The following PIK3C2G variants were observed in gnomAD, a reference collection of about 807,000 sequenced individuals.
PIK3C2G encodes the protein phosphatidylinositol 3-kinase C2 domain-containing subunit gamma.
Under a neutral mutation model 181.1 loss-of-function variants are expected in PIK3C2G, and 168 were observed. The observed-to-expected ratio is 0.93, with a 90% CI of 0.82 to 1.05. The LOEUF is 1.05. PIK3C2G is among the 50% of genes least tolerant of loss of function. PIK3C2G has a pLI of 0.00. For missense variants in PIK3C2G, 1,869 were observed against 1,732.8 expected (o/e 1.08, Z -1.40); for synonymous variants, 573 against 592.2 (o/e 0.97, Z 0.47).
At chr12:18,699,366 G>A in the PIK3C2G span, among the ~76,000 whole-genome samples, 2 of 152,106 alleles carry the variant, frequency 1.3e-5, no homozygotes, top group Non-Finnish European at 2.9e-5. Flanking sequence ...TCACCCTTTG[G>A]CTGCTATCAG....
In PIK3C2G at chr12:18,296,950, T is replaced by C. The variant is rs149875862; in HGVS notation, c.1034+2935T>C. Reference sequence around the variant, plus strand: ...CAAAAAATATTAAAATCTTTCATCATGTTCCTGTTCTTTAACTCCCGGTTT... The same window carrying C: ...CAAAAAATATTAAAATCTTTCATCACGTTCCTGTTCTTTAACTCCCGGTTT... On this transcript the variant is annotated intron_variant, in intron 5 of 32. Coordinates refer to ENST00000538779, the MANE Select transcript of PIK3C2G (RefSeq NM_001288772.2). 1.3e-3 allele frequency among the ~76,000 whole-genome samples: 197 copies of C among 152,214 alleles called. 1 individual carries two copies. The highest frequency in any genetic ancestry group is 4.5e-3 in the African/African-American group (189 of 41,554).
chr12:18,450,844 C>T (rs1947305415), intron 18 of PIK3C2G, among the ~76,000 whole-genome samples: 1 of 152,090 alleles, frequency 6.6e-6, no homozygotes, highest in Non-Finnish European at 1.5e-5. Context: ...ATCCTTTCAC[C>T]ATTGCTTGTT....
At chr12:18,683,111 T>G in the PIK3C2G span, 1 of 813,664 alleles carries the variant, frequency 1.2e-6, no homozygotes, top group Non-Finnish European at 2.0e-6. Flanking sequence ...TTTAAGTGAA[T>G]GGGCTCAATA....
intron 18 of PIK3C2G, among the ~76,000 whole-genome samples, chr12:18,464,771 A>G (rs1166860551): frequency 6.6e-6 from 1 of 152,022 alleles, no homozygotes; most frequent in African/African-American, 2.4e-5. Context: ...TTGTTTGTAA[A>G]TTCTAGTTTG....
Position 18,399,667 on chromosome 12 carries a change from A to C in PIK3C2G, c.2135A>C (p.Glu712Ala). Reference sequence around the variant, plus strand: ...CCAATCTGGTTTTTCAGACTCTCTGAAGAAAAGAAAAGATATTTATGGTTT... The same window carrying C: ...CCAATCTGGTTTTTCAGACTCTCTGCAGAAAAGAAAAGATATTTATGGTTT... ...SQKQTPLLLS[E>A]EKKRYLWFYR... The change falls in exon 16 of 33, where the codon GAA (glutamate) becomes GCA (alanine). Residue 712 changes from glutamate to alanine, a missense_variant. By Grantham distance (107) the Glu-to-Ala change is moderately radical. Transcript: ENST00000538779. 1 of 1,553,286 alleles carries C rather than the reference A, an allele frequency of 6.4e-7. No homozygotes were observed. Among genetic ancestry groups the C allele is most frequent in the Non-Finnish European group, 8.8e-7 (1 of 1,141,236 alleles).
intron 18 of PIK3C2G, among the ~76,000 whole-genome samples, chr12:18,434,168 C>T (rs746902666): frequency 2.0e-5 from 3 of 152,170 alleles, no homozygotes; most frequent in African/African-American, 4.8e-5. Flanking sequence ...GAGGAAAGGA[C>T]TGTTGTTCCT....
At chr12:18,705,396 T>C in the PIK3C2G span, 4 of 1,526,216 alleles carry the variant, frequency 2.6e-6, no homozygotes, top group African/African-American at 1.4e-5. Context: ...GCTTAATGTA[T>C]TTTAAAACTT....
chr12:18,443,549 C>G (rs1946862093), intron 18 of PIK3C2G, among the ~76,000 whole-genome samples: 1 of 151,292 alleles, frequency 6.6e-6, no homozygotes, highest in Non-Finnish European at 1.5e-5. Flanking sequence ...AAATGTGTAC[C>G]CTTTTATTTC....
At chr12:18,630,269 A>G (rs1405362742) in intron 31 of PIK3C2G, among the ~76,000 whole-genome samples, 1 of 151,978 alleles carries the variant, frequency 6.6e-6, no homozygotes, top group African/African-American at 2.4e-5. Flanking sequence ...ACTCATGCCT[A>G]TAGTTTCAGC....
intron 11 of PIK3C2G, among the ~76,000 whole-genome samples, chr12:18,350,807 T>C (rs1315778451): frequency 6.6e-6 from 1 of 152,154 alleles, no homozygotes; most frequent in Admixed American, 6.5e-5. Context: ...AATATTCAAT[T>C]CACCAGAAAG....
chr12:18,258,081 G>C (rs889243856), upstream of PIK3C2G, among the ~76,000 whole-genome samples: 1 of 152,016 alleles, frequency 6.6e-6, no homozygotes, highest in Non-Finnish European at 1.5e-5. Context: ...CTCTGCTCCT[G>C]CTGAACAATG....
At chr12:18,440,352 C>T (rs1043771479) in intron 18 of PIK3C2G, among the ~76,000 whole-genome samples, 1 of 152,022 alleles carries the variant, frequency 6.6e-6, no homozygotes, top group Admixed American at 6.6e-5. Context: ...AGACAAAAAA[C>T]CCAGTCCTTC....
At chr12:18,247,394 T>C (rs1324347259), upstream of PIK3C2G, among the ~76,000 whole-genome samples, 2 of 152,030 alleles carry the variant, frequency 1.3e-5, no homozygotes, top group Admixed American at 1.3e-4. Context: ...CCAGAGACAT[T>C]TAGGACACAG....
the PIK3C2G span, among the ~76,000 whole-genome samples, chr12:18,700,717 C>T: frequency 6.6e-6 from 1 of 151,990 alleles, no homozygotes; most frequent in Non-Finnish European, 1.5e-5. Flanking sequence ...ACTAAAATCC[C>T]TTTCACTGAA....
the PIK3C2G span, among the ~76,000 whole-genome samples, chr12:18,706,756 GATT>G: frequency 2.0e-5 from 3 of 152,184 alleles, no homozygotes; most frequent in Admixed American, 6.5e-5. Context: ...GAACAGGGTC[GATT>G]ATTACTATGT....
chr12:18,250,307 T>C (rs902583963), intron 1 of PIK3C2G, among the ~76,000 whole-genome samples: 2 of 152,090 alleles, frequency 1.3e-5, no homozygotes, highest in South Asian at 2.1e-4. Flanking sequence ...ATTCCCAGTA[T>C]AGCGGTCGAA....
At chr12:18,385,607 C>T (rs546378675) in intron 14 of PIK3C2G, among the ~76,000 whole-genome samples, 138 of 152,162 alleles carry the variant, frequency 9.1e-4, no homozygotes, top group Middle Eastern at 6.8e-3. Flanking sequence ...CTCACTCTGT[C>T]GCCCAGGCTG....
At chr12:18,377,371 A>C (rs1044233115) in intron 13 of PIK3C2G, among the ~76,000 whole-genome samples, 2 of 152,182 alleles carry the variant, frequency 1.3e-5, no homozygotes, top group African/African-American at 4.8e-5. Context: ...TCCAGAACAA[A>C]TATTTTGAAA....
intron 29 of PIK3C2G, among the ~76,000 whole-genome samples, chr12:18,582,250 A>G (rs1029160698): frequency 2.0e-5 from 3 of 152,052 alleles, no homozygotes; most frequent in African/African-American, 7.2e-5. Flanking sequence ...ACCCACAGAG[A>G]ATGGAGAAAA....
Sources: gnomAD v4.1 joint callset for allele counts (sites outside exome capture counted in the v4.1 genomes callset) on GRCh38, gnomAD v4.1.1 for gene constraint, MANE v1.5 for transcripts, NCBI Gene and HGNC (gene_info 2026-07-23, HGNC 2026-07-21) for gene names.